Variants in SYTL4 observed in about 807,000 individuals in gnomAD.
The protein encoded by SYTL4 is synaptotagmin-like protein 4.
In SYTL4, 16 loss-of-function variants were observed where a neutral mutation model predicts 52.7. The observed-to-expected ratio is 0.30, with a 90% CI of 0.21 to 0.46. The LOEUF is 0.46. Among genes scored for constraint, SYTL4 ranks in the 20% least tolerant of loss-of-function variants. SYTL4 has a pLI of 1.00. For synonymous variants in SYTL4, 160 were observed against 186.6 expected (o/e 0.86, Z 1.16); for missense variants, 423 against 519.9 (o/e 0.81, Z 1.81).
At chrX:100,683,438 T>G (rs1321199811) in intron 16 of SYTL4, among the ~76,000 whole-genome samples, 2 of 110,739 alleles carry the variant, frequency 1.8e-5, no homozygotes, top group Non-Finnish European at 3.8e-5. Flanking sequence ...GCACTTGGCC[T>G]TGCCTGTGTT....
At chrX:100,720,942 A>C (rs762376501) in intron 2 of SYTL4, among the ~76,000 whole-genome samples, 74 of 111,744 alleles carry the variant, frequency 6.6e-4, no homozygotes, top group Non-Finnish European at 1.2e-3. Flanking sequence ...TATAAAAATA[A>C]ACATAAAATA....
chrX:100,694,801 T>C (rs1345689626), intron 8 of SYTL4, among the ~76,000 whole-genome samples: 1 of 111,644 alleles, frequency 9.0e-6, no homozygotes, highest in Non-Finnish European at 1.9e-5. Context: ...GTAACCAAAA[T>C]CTATAATGTC....
chrX:100,729,114 A>G (rs1199850294), intron 2 of SYTL4, among the ~76,000 whole-genome samples: 1 of 111,353 alleles, frequency 9.0e-6, no homozygotes, highest in African/African-American at 3.3e-5. Flanking sequence ...TCTCAAAGCA[A>G]AAATCAGCAG....
intron 2 of SYTL4, among the ~76,000 whole-genome samples, chrX:100,717,420 A>C (rs2084249471): frequency 8.8e-6 from 1 of 113,105 alleles, no homozygotes; most frequent in African/African-American, 3.2e-5. Flanking sequence ...AAGCAGGAGA[A>C]CGAGGGCTTT....
At chrX:100,718,797 TC>T (rs2084279254) in intron 2 of SYTL4, among the ~76,000 whole-genome samples, 1 of 78,587 alleles carries the variant, frequency 1.3e-5, no homozygotes, top group Admixed American at 1.6e-4. Context: ...TGCTTTTCAC[TC>T]CTTTTTTTTT....
intron 2 of SYTL4, among the ~76,000 whole-genome samples, chrX:100,729,793 A>C (rs2084602028): frequency 9.0e-6 from 1 of 110,647 alleles, no homozygotes; most frequent in South Asian, 3.9e-4. Context: ...GTGTTCAGTA[A>C]GGCCGTTCCA....
At chrX:100,716,546 TAA>T (rs751442914) in intron 2 of SYTL4, among the ~76,000 whole-genome samples, 7,590 of 43,231 alleles carry the variant, frequency 0.18, 1,267 homozygotes, top group African/African-American at 0.47. Context: ...CTGCAAAACT[TAA>T]AAAAAAAAAA....
chrX:100,676,642 G>A (rs943759845), intron 19 of SYTL4, among the ~76,000 whole-genome samples: 8 of 110,724 alleles, frequency 7.2e-5, no homozygotes, highest in African/African-American at 1.6e-4. Flanking sequence ...GCGCCACCAC[G>A]CCCAGCTAAT....
chrX:100,714,421 G>A (rs956043760), intron 2 of SYTL4, among the ~76,000 whole-genome samples: 4 of 110,040 alleles, frequency 3.6e-5, no homozygotes, highest in African/African-American at 1.3e-4. Context: ...CACCACACCC[G>A]GCTAATTTTT....
intron 19 of SYTL4, among the ~76,000 whole-genome samples, chrX:100,677,820 G>A (rs985399291): frequency 1.8e-5 from 2 of 112,147 alleles, no homozygotes; most frequent in African/African-American, 6.5e-5. Flanking sequence ...CACAGTGAAG[G>A]AGAGCTGAAG....
chrX:100,716,450 C>CAAAAAAAAAAAAAAA (rs200368843), intron 2 of SYTL4, among the ~76,000 whole-genome samples: 6 of 25,771 alleles, frequency 2.3e-4, no homozygotes, highest in Admixed American at 6.2e-4. Context: ...AACTCCATCT[C>CAAAAAAAAAAAAAAA]AAAAAAAAAA....
At chrX:100,712,013 C>T (rs764259313) in intron 2 of SYTL4, among the ~76,000 whole-genome samples, 1 of 110,701 alleles carries the variant, frequency 9.0e-6, no homozygotes, top group Admixed American at 9.6e-5. Context: ...AAAAAACAAC[C>T]ATCAACCTAG....
At chrX:100,689,153 A>C (rs1171956682) in intron 12 of SYTL4, among the ~76,000 whole-genome samples, 1 of 103,966 alleles carries the variant, frequency 9.6e-6, no homozygotes, top group Non-Finnish European at 2.0e-5. Flanking sequence ...CGGGCGGATC[A>C]CTTGAGCCTA....
intron 2 of SYTL4, among the ~76,000 whole-genome samples, chrX:100,712,530 C>A (rs1156406376): frequency 8.9e-6 from 1 of 111,974 alleles, no homozygotes; most frequent in Non-Finnish European, 1.9e-5. Flanking sequence ...GCAGTCTTTT[C>A]AACAAGTAGT....
rs1290706977 is a variant in SYTL4 at position 100,686,141 on chromosome X, G to A, written c.1298C>T (p.Pro433Leu). 1.7e-6 allele frequency: 2 copies of A among 1,206,960 alleles called. No homozygotes were observed. Among genetic ancestry groups the A allele is most frequent in the East Asian group, 5.9e-5 (2 of 33,766 alleles). ...LYDETLRYEIPESLLAQRTLQ... is the reference protein window; with the variant it reads ...LYDETLRYEILESLLAQRTLQ... ...GGTCCTCTGGGCCAGGAGAGATTCT[G>A]GGATCTCATACTGTGAAGGGAAAGT... The change falls in exon 16 of 20, where the codon CCA becomes CTA. Residue 433 changes from proline (P) to leucine (L), a missense_variant. Coordinates refer to ENST00000372989, the MANE Select transcript of SYTL4 (RefSeq NM_001370165.1).
At chrX:100,731,864 A>C (rs1476108500) in intron 1 of SYTL4, 140 bp downstream of exon 1, 1 of 110,573 alleles carries the variant, frequency 9.0e-6, no homozygotes, top group Non-Finnish European at 1.9e-5. Context: ...AGAAGGAAAA[A>C]TTGGGGGACC....
In SYTL4 at chrX:100,676,039, G is replaced by A. The variant is rs367971616; in HGVS notation, c.2005C>T (p.Leu669=). Residue 669 remains leucine, a synonymous_variant, in exon 20 of 20, where the codon CTG becomes TTG. Transcript: ENST00000372989. ...AAGAGGACAGGGACTCATAAACCCA[G>A]CTTCTGCTTGGCCATTGAGGAACGG... ...QLRSSMAKQK[L]GL is the part of the protein sequence containing the mutation. 1.7e-6 allele frequency: 2 copies of A among 1,209,006 alleles called. No homozygotes were observed.
At chrX:100,677,425 G>A (rs1214453024) in intron 19 of SYTL4, among the ~76,000 whole-genome samples, 1 of 111,898 alleles carries the variant, frequency 8.9e-6, no homozygotes, top group Non-Finnish European at 1.9e-5. Context: ...GGTTTTAACA[G>A]GGGACTGACA....
At chrX:100,682,680 C>A (rs1377837432) in intron 16 of SYTL4, among the ~76,000 whole-genome samples, 1 of 110,982 alleles carries the variant, frequency 9.0e-6, no homozygotes, top group African/African-American at 3.3e-5. Context: ...GCACTCCAGC[C>A]TGGGCGACAG....
Sources: allele counts gnomAD v4.1 joint callset (sites outside exome capture counted in the v4.1 genomes callset), GRCh38; gene constraint gnomAD v4.1.1; transcripts MANE v1.5; gene names NCBI Gene and HGNC (gene_info 2026-07-23, HGNC 2026-07-21).